The following PRUNE2 variants were observed in gnomAD, a reference collection of about 807,000 sequenced individuals.
PRUNE2 encodes prune homolog 2 with BCH domain.
PRUNE2 carries 164 observed loss-of-function variants against 252.0 expected under a neutral mutation model. That is an observed-to-expected ratio of 0.65 (90% CI 0.57 to 0.74). The LOEUF is 0.74. Among genes scored for constraint, PRUNE2 ranks in the 30% least tolerant of loss-of-function variants. The pLI is 0.00. For missense variants in PRUNE2, 3,495 were observed against 3,711.0 expected, an observed-to-expected ratio of 0.94 and a Z score of 1.51; for synonymous variants, 1,292 against 1,350.2, an observed-to-expected ratio of 0.96 and a Z score of 0.94.
chr9:76,684,580 C>A (rs111245294), intron 9 of PRUNE2, among the ~76,000 whole-genome samples: 181 of 152,306 alleles, frequency 1.2e-3, no homozygotes, highest in African/African-American at 3.4e-3. Context: ...GGATTCTGGA[C>A]TTCCTTAGAT....
At chr9:76,682,127 CTT>C (rs918697541) in intron 9 of PRUNE2, among the ~76,000 whole-genome samples, 5 of 152,060 alleles carry the variant, frequency 3.3e-5, no homozygotes, top group African/African-American at 1.2e-4. Flanking sequence ...AGATTTGGCT[CTT>C]GATCTTAGCC....
rs72730642 is a variant in PRUNE2, at chr9:76,614,044, C to T, written c.*526G>A. The T allele has an allele frequency of 0.085, 12,913 of 152,374 alleles. 639 individuals are homozygous for T. The highest frequency in any genetic ancestry group is 0.097 in the Non-Finnish European group (6,574 of 68,114). 9.4% of individuals were successfully genotyped at this position (152,374 alleles called of 1,614,324 possible). A position where few individuals can be genotyped will look rare whatever the true frequency, so the allele number is the denominator to read the frequency against. ...GAGATTCTGGTAAACAAGAACAAAACGGGCACTTAGCTGATGATGGTTTTA... is the reference window on the plus strand; with the variant it reads ...GAGATTCTGGTAAACAAGAACAAAATGGGCACTTAGCTGATGATGGTTTTA... On this transcript the variant is annotated 3_prime_UTR_variant, in exon 19 of 19. Coordinates refer to ENST00000376718, the MANE Select transcript of PRUNE2 (RefSeq NM_015225.3).
chr9:76,690,829 T>C (rs1179882122), intron 9 of PRUNE2, among the ~76,000 whole-genome samples: 1 of 152,186 alleles, frequency 6.6e-6, no homozygotes, highest in Non-Finnish European at 1.5e-5. Context: ...TTGTTCTGAG[T>C]TGGGGAACAA....
rs769149031 is a variant in PRUNE2, at chr9:76,644,851, G to T, written c.8616C>A (p.Ala2872=). ...GCCGGTTGTCCTCCCGTTCCTCTTC[G>T]GCCGTATATTCTGGAATAGACTCTG... The part of the protein sequence containing the change: ...QESESIPEYT[A]EEEREDNRLW... The change falls in exon 12 of 19, where the codon GCC becomes GCA. Residue 2872 remains alanine, a synonymous_variant. Transcript: ENST00000376718. 6.2e-7 allele frequency: 1 copy of T among 1,613,722 alleles called. No homozygotes were observed. Among genetic ancestry groups the T allele is most frequent in the Non-Finnish European group, 8.5e-7 (1 of 1,179,828 alleles).
intron 1 of PRUNE2, among the ~76,000 whole-genome samples, chr9:76,885,251 G>T (rs1042750759): frequency 2.0e-5 from 3 of 152,254 alleles, no homozygotes; most frequent in African/African-American, 7.2e-5. Flanking sequence ...AATGGTGTGT[G>T]CTGAGAGGGA....
At chr9:76,851,862 C>T (rs561035385) in intron 2 of PRUNE2, among the ~76,000 whole-genome samples, 27 of 152,138 alleles carry the variant, frequency 1.8e-4, no homozygotes, top group African/African-American at 5.5e-4. Flanking sequence ...TGTTTTTGTA[C>T]GGGAATGTTA....
At chr9:76,714,670 T>C (rs2046998503) in intron 6 of PRUNE2, among the ~76,000 whole-genome samples, 1 of 152,262 alleles carries the variant, frequency 6.6e-6, no homozygotes, top group South Asian at 2.1e-4. Flanking sequence ...GTGCTGGGCT[T>C]ACAGGCGTAA....
chr9:76,862,377 A>G (rs1345316561), intron 1 of PRUNE2: 1 of 152,274 alleles, frequency 6.6e-6, no homozygotes, highest in Non-Finnish European at 1.5e-5. Flanking sequence ...AGAGAGCTGC[A>G]GTCTTTTTCA....
At chr9:76,679,356 T>C (rs2043173590) in intron 9 of PRUNE2, among the ~76,000 whole-genome samples, 1 of 152,192 alleles carries the variant, frequency 6.6e-6, no homozygotes, top group Non-Finnish European at 1.5e-5. Flanking sequence ...GAAAATCTAT[T>C]CTAAAATTTA....
intron 6 of PRUNE2, among the ~76,000 whole-genome samples, chr9:76,792,476 G>C (rs1262604746): frequency 6.6e-6 from 1 of 152,210 alleles, no homozygotes; most frequent in Non-Finnish European, 1.5e-5. Flanking sequence ...ACAGAGGACA[G>C]AACGAGAGGA....
At chr9:76,616,971 A>C (rs1046340270) in intron 18 of PRUNE2, among the ~76,000 whole-genome samples, 17 of 151,802 alleles carry the variant, frequency 1.1e-4, no homozygotes, top group South Asian at 2.1e-4. Flanking sequence ...TAAATAAATA[A>C]ATAAATACAT....
At chr9:76,879,265 G>T (rs1296516105) in intron 1 of PRUNE2, among the ~76,000 whole-genome samples, 1 of 152,210 alleles carries the variant, frequency 6.6e-6, no homozygotes, top group Admixed American at 6.5e-5. Flanking sequence ...AAACTTATTT[G>T]ATCATAAAAC....
In PRUNE2 at chr9:76,780,425, C is replaced by T. The variant is rs568067698; in HGVS notation, c.756+43207G>A. On this transcript the variant is annotated intron_variant, in intron 6 of 18. Transcript: ENST00000376718. Reference sequence around the variant, plus strand: ...AGCAGCGGCCAGGCACGATGGCTCACGCCTGTAATCCCAGCACTTTGGGAG... The same window carrying T: ...AGCAGCGGCCAGGCACGATGGCTCATGCCTGTAATCCCAGCACTTTGGGAG... Among the ~76,000 whole-genome samples, 44 of 152,220 alleles carry T rather than the reference C, an allele frequency of 2.9e-4. No individual in the cohort carries two copies. In the East Asian group the frequency reaches 2.9e-3, roughly 10 times the overall value.
In PRUNE2 at chr9:76,768,579, ATGTATGTG is replaced by A. The variant is rs1407795729; in HGVS notation, c.757-54866_757-54859del. ...TCTTTGGGTTGATATATATATGTAT[ATGTATGTG>A]TGTGTGTGTGTGTGTGTGTGTGTGT... On this transcript the variant is annotated intron_variant, in intron 6 of 18. Transcript: ENST00000376718. Among the ~76,000 whole-genome samples the A allele has an allele frequency of 3.3e-4, 33 of 100,612 alleles. 1 individual carries two copies. In the East Asian group the frequency reaches 4.5e-3, roughly 14 times the overall value. 66.0% of individuals were successfully genotyped at this position (100,612 alleles called of 152,430 possible).
chr9:76,625,071 A>G lies in PRUNE2; in HGVS notation c.9150-581T>C, dbSNP rs1014093848. 1.2e-5 allele frequency: 16 copies of G among 1,301,864 alleles called. No homozygotes were observed. In the Admixed American group the frequency reaches 3.7e-4, roughly 30 times the overall value. 80.6% of individuals were successfully genotyped at this position (1,301,864 alleles called of 1,614,324 possible). On this transcript the variant is annotated intron_variant, in intron 16 of 18. Coordinates refer to ENST00000376718, the MANE Select transcript of PRUNE2 (RefSeq NM_015225.3). ...CTCTTCATCGTACCTTACAAGATAAAAAACGAGTGCCATAAGGAAAATGAG... is the reference window on the plus strand; with the variant it reads ...CTCTTCATCGTACCTTACAAGATAAGAAACGAGTGCCATAAGGAAAATGAG...
At chr9:76,629,598 A>G (rs1360353205) in intron 15 of PRUNE2, among the ~76,000 whole-genome samples, 3 of 133,520 alleles carry the variant, frequency 2.2e-5, no homozygotes, top group Non-Finnish European at 4.7e-5. Flanking sequence ...ATTACTTCAC[A>G]TGCTTTTTTT....
chr9:76,703,769 G>A lies in PRUNE2; in HGVS notation c.7844C>T (p.Ser2615Phe). The A allele has an allele frequency of 6.2e-7, 1 of 1,613,740 alleles. No homozygotes were observed. The highest frequency in any genetic ancestry group is 8.5e-7 in the Non-Finnish European group (1 of 1,179,866). ...ERKGLSAEKMSSKSDTRSSFE... is the reference protein window; with the variant it reads ...ERKGLSAEKMFSKSDTRSSFE... ...AGATGATCTCGTATCGCTTTTAGAA[G>A]ACATTTTCTCTGCAGAGAGACCTTT... The change falls in exon 9 of 19, where the codon TCT (serine) becomes TTT (phenylalanine). Residue 2615 changes from serine (S) to phenylalanine (F), a missense_variant. Coordinates refer to ENST00000376718, the MANE Select transcript of PRUNE2 (RefSeq NM_015225.3).
At chr9:76,819,720 T>A (rs898481816) in intron 6 of PRUNE2, among the ~76,000 whole-genome samples, 8 of 152,152 alleles carry the variant, frequency 5.3e-5, no homozygotes, top group African/African-American at 1.9e-4. Flanking sequence ...TGACTAACAG[T>A]CTTTTGGGAG....
chr9:76,750,234 A>C (rs953248581), intron 6 of PRUNE2, among the ~76,000 whole-genome samples: 1 of 152,096 alleles, frequency 6.6e-6, no homozygotes, highest in Non-Finnish European at 1.5e-5. Flanking sequence ...TTATTGAACC[A>C]GAAGAGAGGG....
Sources: allele counts gnomAD v4.1 joint callset (sites outside exome capture counted in the v4.1 genomes callset), GRCh38; gene constraint gnomAD v4.1.1; transcripts MANE v1.5; gene names NCBI Gene and HGNC (gene_info 2026-07-23, HGNC 2026-07-21).